The following AOAH variants were observed in gnomAD, a reference collection of about 807,000 sequenced individuals.
AOAH encodes the protein acyloxyacyl hydrolase.
A neutral mutation model predicts 92.2 loss-of-function variants in AOAH; 64 were observed. The observed-to-expected ratio is 0.69, with a 90% CI of 0.57 to 0.86. The LOEUF (loss-of-function observed/expected upper bound fraction) is 0.86, where lower values mean the gene tolerates loss of function less well. Among genes scored for constraint, AOAH ranks in the 40% least tolerant of loss-of-function variants. The probability of loss-of-function intolerance (pLI) is 0.00; values close to 1 mark genes in which losing one functional copy is unlikely to be tolerated. For synonymous variants in AOAH, 263 were observed against 254.5 expected, an observed-to-expected ratio of 1.03 and a Z score of -0.32; for missense variants, 656 against 694.6, an observed-to-expected ratio of 0.94 and a Z score of 0.62.
intron 4 of AOAH, among the ~76,000 whole-genome samples, chr7:36,654,226 C>T (rs1037204279): frequency 1.3e-5 from 2 of 152,220 alleles, no homozygotes; most frequent in African/African-American, 4.8e-5. Flanking sequence ...AACACAAAAC[C>T]ACCTGGGTGG....
chr7:36,514,672 C>T, intron 20 of AOAH: 1 of 897,772 alleles, frequency 1.1e-6, no homozygotes, highest in Non-Finnish European at 1.7e-6. Context: ...CAGTGGTTTT[C>T]AATGCTGAGC....
intron 1 of AOAH, among the ~76,000 whole-genome samples, chr7:36,688,148 G>A (rs777090680): frequency 8.5e-5 from 13 of 152,122 alleles, no homozygotes; most frequent in Non-Finnish European, 1.8e-4. Context: ...CTAATGCATG[G>A]CACTCGAGGA....
chr7:36,665,523 G>A (rs1333442730), intron 3 of AOAH, among the ~76,000 whole-genome samples: 5 of 151,542 alleles, frequency 3.3e-5, no homozygotes, highest in Admixed American at 6.6e-5. Flanking sequence ...TTCTCAACCA[G>A]TAGACTTTTT....
In AOAH at chr7:36,637,789, C is replaced by T. The variant is rs73687601; in HGVS notation, c.450+62G>A. ...GTCCTTGCCTTTGGGATGTGAAAGC[C>T]GGGGCCAGTGAGAGAGGACATGCCA... On this transcript the variant is annotated intron_variant, in intron 5 of 20. Coordinates refer to ENST00000617537, the MANE Select transcript of AOAH (RefSeq NM_001637.4). 8,375 of 1,491,748 alleles carry T rather than the reference C, an allele frequency of 5.6e-3. 383 individuals carry two copies. The African/African-American group carries it at 0.1, about 18-fold the overall frequency. The allele number at this position is 1,491,748 out of a possible 1,614,324, so 92.4% of individuals were successfully genotyped here.
chr7:36,612,846 A>T (rs1791562215), intron 11 of AOAH, among the ~76,000 whole-genome samples: 1 of 152,180 alleles, frequency 6.6e-6, no homozygotes, highest in African/African-American at 2.4e-5. Flanking sequence ...TTTACTGGTT[A>T]TGTTCTTCAT....
chr7:36,552,839 T>A (rs1786374369), intron 13 of AOAH, among the ~76,000 whole-genome samples: 1 of 152,180 alleles, frequency 6.6e-6, no homozygotes, highest in Admixed American at 6.5e-5. Flanking sequence ...GTTTTCTGTT[T>A]CTACATTAAT....
At chr7:36,658,581 G>A (rs1265433397) in intron 4 of AOAH, among the ~76,000 whole-genome samples, 1 of 152,114 alleles carries the variant, frequency 6.6e-6, no homozygotes, top group Admixed American at 6.5e-5. Flanking sequence ...GAATAATAAT[G>A]TTATCAATAA....
At chr7:36,631,425 C>T (rs950082612) in intron 6 of AOAH, among the ~76,000 whole-genome samples, 1 of 151,916 alleles carries the variant, frequency 6.6e-6, no homozygotes, top group African/African-American at 2.4e-5. Flanking sequence ...TGTGCCCTCT[C>T]AAGACATGGC....
chr7:36,692,417 T>C (rs1487604470), intron 1 of AOAH, among the ~76,000 whole-genome samples: 1 of 151,996 alleles, frequency 6.6e-6, no homozygotes, highest in Admixed American at 6.6e-5. Flanking sequence ...TTTGAGTAGA[T>C]TAGACTCTGT....
At chr7:36,620,852 G>T (rs369916721) in intron 8 of AOAH, 23 bp from the exon 9 acceptor site, 1 of 1,610,744 alleles carries the variant, frequency 6.2e-7, no homozygotes, top group Non-Finnish European at 8.5e-7. Flanking sequence ...CATTAACATT[G>T]GTCTTTGACA....
intron 4 of AOAH, among the ~76,000 whole-genome samples, chr7:36,653,611 A>T (rs1794708932): frequency 1.3e-5 from 2 of 152,176 alleles, no homozygotes; most frequent in South Asian, 4.1e-4. Flanking sequence ...AAGCTGTTTC[A>T]AAGTCTGGGT....
chr7:36,699,164 T>G (rs577833823), intron 1 of AOAH, among the ~76,000 whole-genome samples: 5 of 152,170 alleles, frequency 3.3e-5, no homozygotes, highest in Non-Finnish European at 7.4e-5. Context: ...GGAATAATAT[T>G]CCATTGTGTA....
intron 2 of AOAH, among the ~76,000 whole-genome samples, chr7:36,681,444 T>G (rs1428949335): frequency 1.3e-5 from 2 of 152,144 alleles, no homozygotes; most frequent in East Asian, 1.9e-4. Flanking sequence ...AGTAGACCAT[T>G]GATGTCAAAT....
chr7:36,531,547 C>G (rs1784690718), intron 18 of AOAH, among the ~76,000 whole-genome samples: 1 of 152,118 alleles, frequency 6.6e-6, no homozygotes. Flanking sequence ...GGGGTTTCAT[C>G]ATGTTGATCA....
chr7:36,618,452 T>C (rs1792048882), intron 9 of AOAH, 107 bp from the exon 10 acceptor site: 3 of 948,152 alleles, frequency 3.2e-6, no homozygotes, highest in Non-Finnish European at 5.0e-6. Flanking sequence ...AATGAGTAGA[T>C]AAAACCCTTT....
intron 15 of AOAH, among the ~76,000 whole-genome samples, chr7:36,547,638 C>T (rs1785897219): frequency 1.3e-5 from 2 of 152,132 alleles, no homozygotes; most frequent in Non-Finnish European, 2.9e-5. Flanking sequence ...GCTATTGCTA[C>T]TGGGGAGTTG....
At chr7:36,621,119 G>C (rs529903075) in intron 8 of AOAH, among the ~76,000 whole-genome samples, 2 of 152,294 alleles carry the variant, frequency 1.3e-5, no homozygotes, top group East Asian at 3.9e-4. Flanking sequence ...TTGTGGAATG[G>C]TGCCGATGAA....
rs149429734 is a variant in AOAH at position 36,636,108 on chromosome 7, G to A, written c.450+1743C>T. Among the ~76,000 whole-genome samples the A allele has an allele frequency of 5.4e-4, 82 of 152,250 alleles. No individual in the cohort carries two copies. In the East Asian group the frequency reaches 0.013, roughly 23 times the overall value. On this transcript the variant is annotated intron_variant, in intron 5 of 20. Coordinates refer to ENST00000617537, the MANE Select transcript of AOAH (RefSeq NM_001637.4). ...GTGCAGCTTTCTGTACCCTGGCCAG[G>A]TCTGAAGTTATATCAGCCATCACAG... is the stretch of plus-strand genomic sequence containing the variant.
chr7:36,532,137 A>G lies in AOAH; in HGVS notation c.1425+10T>C, dbSNP rs1469949810. On this transcript the variant is annotated intron_variant, in intron 18 of 20. Coordinates refer to ENST00000617537, the MANE Select transcript of AOAH (RefSeq NM_001637.4). Reference sequence around the variant, plus strand: ...CAAAGATGGTATCAAAAGGCCTGTGACAGTCATACCTCTGAAGTGAGAGTC... The same window carrying G: ...CAAAGATGGTATCAAAAGGCCTGTGGCAGTCATACCTCTGAAGTGAGAGTC... The G allele has an allele frequency of 6.2e-7, 1 of 1,614,134 alleles. No homozygotes were observed. The highest frequency in any genetic ancestry group is 1.7e-5 in the Admixed American group (1 of 60,024).
Sources: allele counts gnomAD v4.1 joint callset (sites outside exome capture counted in the v4.1 genomes callset), GRCh38; gene constraint gnomAD v4.1.1; transcripts MANE v1.5; gene names NCBI Gene and HGNC (gene_info 2026-07-23, HGNC 2026-07-21).